Variants in MDGA2 observed in about 807,000 individuals in gnomAD.
The protein encoded by MDGA2 is MAM domain-containing glycosylphosphatidylinositol anchor protein 2.
A neutral mutation model predicts 117.8 loss-of-function variants in MDGA2; 40 were observed. That is an observed-to-expected ratio of 0.34 (90% CI 0.26 to 0.44). The LOEUF (loss-of-function observed/expected upper bound fraction) is 0.44. MDGA2 is among the 20% of genes least tolerant of loss of function. The pLI is 1.00. For missense variants in MDGA2, 1,123 were observed against 1,250.6 expected, an observed-to-expected ratio of 0.90 and a Z score of 1.54; for synonymous variants, 452 against 439.0, an observed-to-expected ratio of 1.03 and a Z score of -0.37.
At chr14:47,071,596 A>G (rs901464303) in intron 6 of MDGA2, among the ~76,000 whole-genome samples, 10 of 152,046 alleles carry the variant, frequency 6.6e-5, no homozygotes, top group African/African-American at 2.2e-4. Context: ...AAACAAGCAA[A>G]TAAGTCAAAA....
At chr14:47,105,643 G>C (rs185410772) in intron 5 of MDGA2, among the ~76,000 whole-genome samples, 1 of 151,596 alleles carries the variant, frequency 6.6e-6, no homozygotes, top group Non-Finnish European at 1.5e-5. Flanking sequence ...AATTCTTGTC[G>C]TAAAATAGGC....
intron 7 of MDGA2, among the ~76,000 whole-genome samples, chr14:47,038,054 T>C (rs1888920763): frequency 6.6e-6 from 1 of 152,068 alleles, no homozygotes; most frequent in Admixed American, 6.6e-5. Flanking sequence ...CTCAGCCTCC[T>C]GAGTAGCTGG....
At chr14:47,376,195 G>C (rs968703832) in intron 1 of MDGA2, among the ~76,000 whole-genome samples, 1 of 152,008 alleles carries the variant, frequency 6.6e-6, no homozygotes, top group African/African-American at 2.4e-5. Flanking sequence ...TGGGATTTTT[G>C]ATCATTTAAT....
chr14:47,343,231 T>C lies in MDGA2; in HGVS notation c.281-41681A>G, dbSNP rs188554299. ...GGTGATTTTTTTTGTTTGTTTGTTT[T>C]TTTCAGGAACGATTATCGAATTCCG... On this transcript the variant is annotated intron_variant, in intron 1 of 16. Coordinates refer to ENST00000399232, the MANE Select transcript of MDGA2 (RefSeq NM_001113498.3). The C allele has an allele frequency of 3.5e-6, 4 of 1,142,996 alleles. 1 individual carries two copies. In the African/African-American group the frequency reaches 4.9e-5, roughly 14 times the overall value. 70.8% of individuals were successfully genotyped at this position (1,142,996 alleles called of 1,614,324 possible). A position where few individuals can be genotyped will look rare whatever the true frequency, so the allele number is the denominator to read the frequency against.
At chr14:47,404,466 G>C (rs924397898) in intron 1 of MDGA2, among the ~76,000 whole-genome samples, 1 of 151,228 alleles carries the variant, frequency 6.6e-6, no homozygotes, top group Non-Finnish European at 1.5e-5. Context: ...GGTTATAGGC[G>C]TGAGCCACAG....
chr14:47,436,560 T>C (rs1438197922), intron 1 of MDGA2, among the ~76,000 whole-genome samples: 3 of 152,036 alleles, frequency 2.0e-5, no homozygotes, highest in Admixed American at 6.6e-5. Flanking sequence ...TACCCAGGCT[T>C]TTAGGGAAAC....
intron 6 of MDGA2, among the ~76,000 whole-genome samples, chr14:47,066,196 G>C (rs1890072966): frequency 6.6e-6 from 1 of 152,138 alleles, no homozygotes; most frequent in African/African-American, 2.4e-5. Context: ...CCTGGGGTTG[G>C]AGTGGGTACA....
At chr14:47,634,126 A>C (rs564309839) in intron 1 of MDGA2, among the ~76,000 whole-genome samples, 1 of 152,148 alleles carries the variant, frequency 6.6e-6, no homozygotes, top group East Asian at 1.9e-4. Flanking sequence ...AATTCACCTT[A>C]AATATAAAAA....
chr14:46,964,593 G>C (rs1387731252), intron 8 of MDGA2, among the ~76,000 whole-genome samples: 2 of 152,166 alleles, frequency 1.3e-5, no homozygotes, highest in Admixed American at 1.3e-4. Context: ...AGGTATCCGG[G>C]AGCCAGAACG....
At chr14:46,904,102 G>C (rs1883396013) in intron 10 of MDGA2, among the ~76,000 whole-genome samples, 1 of 152,134 alleles carries the variant, frequency 6.6e-6, no homozygotes, top group South Asian at 2.1e-4. Context: ...GGTGGCTCAT[G>C]CCTGTAATCC....
intron 1 of MDGA2, among the ~76,000 whole-genome samples, chr14:47,350,252 C>T (rs549336615): frequency 4.0e-4 from 61 of 152,246 alleles, no homozygotes; most frequent in African/African-American, 1.4e-3. Flanking sequence ...AGGGCACTAG[C>T]GCATTTCCTG....
At chr14:47,571,410 A>G (rs958026212) in intron 1 of MDGA2, among the ~76,000 whole-genome samples, 20 of 152,194 alleles carry the variant, frequency 1.3e-4, no homozygotes, top group African/African-American at 4.8e-4. Flanking sequence ...CTGGGTATAT[A>G]CCCAAAGGAT....
chr14:47,401,977 T>C (rs1391156000), intron 1 of MDGA2, among the ~76,000 whole-genome samples: 1 of 152,156 alleles, frequency 6.6e-6, no homozygotes, highest in Non-Finnish European at 1.5e-5. Context: ...GGACATGGGA[T>C]CTAAAAGTAT....
In MDGA2 at chr14:46,978,813, C is replaced by A. The variant is rs547514431; in HGVS notation, c.1820-21170G>T. On this transcript the variant is annotated intron_variant, in intron 8 of 16. Coordinates refer to ENST00000399232, the MANE Select transcript of MDGA2 (RefSeq NM_001113498.3). ...TAATATTTATATCTCCATTCACATT[C>A]AGTATTATGGTAACTACATTTTTCT... 2.4e-4 allele frequency among the ~76,000 whole-genome samples: 36 copies of A among 152,228 alleles called. 1 individual carries two copies. Among genetic ancestry groups the A allele is most frequent in the African/African-American group, 8.4e-4 (35 of 41,552 alleles).
At chr14:46,968,422 A>T (rs1433842859) in intron 8 of MDGA2, among the ~76,000 whole-genome samples, 1 of 152,214 alleles carries the variant, frequency 6.6e-6, no homozygotes, top group Non-Finnish European at 1.5e-5. Context: ...GAGGCAGAGC[A>T]ATTAGGCAAG....
At chr14:46,853,081 C>T (rs1193690353) in intron 15 of MDGA2, among the ~76,000 whole-genome samples, 1 of 151,822 alleles carries the variant, frequency 6.6e-6, no homozygotes, top group Non-Finnish European at 1.5e-5. Context: ...AACTGGATTT[C>T]ATATATTCAA....
At chr14:47,141,917 T>C (rs1288212395) in intron 4 of MDGA2, among the ~76,000 whole-genome samples, 3 of 152,216 alleles carry the variant, frequency 2.0e-5, no homozygotes, top group East Asian at 3.9e-4. Flanking sequence ...GTAATGGATA[T>C]GCTAAATACC....
intron 10 of MDGA2, among the ~76,000 whole-genome samples, chr14:46,904,355 C>G (rs1226687429): frequency 7.6e-6 from 1 of 131,196 alleles, no homozygotes; most frequent in African/African-American, 3.1e-5. Flanking sequence ...GAGACTCTGT[C>G]TCAAAAAAAA....
chr14:46,968,006 C>T (rs12147681), intron 8 of MDGA2, among the ~76,000 whole-genome samples: 43,308 of 151,978 alleles, frequency 0.28, 7,832 homozygotes, highest in Non-Finnish European at 0.41. Context: ...TTCAATAATC[C>T]GAAGCATGAG....
Sources: allele counts gnomAD v4.1 joint callset (sites outside exome capture counted in the v4.1 genomes callset), GRCh38; gene constraint gnomAD v4.1.1; transcripts MANE v1.5; gene names NCBI Gene and HGNC (gene_info 2026-07-23, HGNC 2026-07-21).